The following HSF2BP variants were observed in gnomAD, a reference collection of about 807,000 sequenced individuals.
The protein encoded by HSF2BP is heat shock factor 2-binding protein.
Under a neutral mutation model 35.0 loss-of-function variants are expected in HSF2BP, and 35 were observed. That is an observed-to-expected ratio of 1.00 (90% CI 0.76 to 1.32). The LOEUF is 1.32. Ranked by LOEUF, HSF2BP falls within the 40% of genes most tolerant of loss-of-function variation. The pLI, the probability that HSF2BP is intolerant of heterozygous loss-of-function variation, is 0.00. For missense variants in HSF2BP, 326 were observed against 321.7 expected (o/e 1.01, Z -0.10); for synonymous variants, 114 against 117.4 (o/e 0.97, Z 0.18).
At chr21:43,572,540 C>T (rs2081590170) in intron 8 of HSF2BP, among the ~76,000 whole-genome samples, 1 of 152,228 alleles carries the variant, frequency 6.6e-6, no homozygotes, top group Non-Finnish European at 1.5e-5. Flanking sequence ...CAAGCGCACA[C>T]AGGGAAGGCC....
At chr21:43,586,305 G>T (rs1008201173) in intron 8 of HSF2BP, among the ~76,000 whole-genome samples, 18 of 152,102 alleles carry the variant, frequency 1.2e-4, no homozygotes, top group African/African-American at 3.9e-4. Context: ...TCTAGCAAAC[G>T]TTAAAGGAAA....
chr21:43,620,723 TCATCATCAC>T (rs1033298658), intron 6 of HSF2BP, among the ~76,000 whole-genome samples: 3 of 151,882 alleles, frequency 2.0e-5, no homozygotes, highest in African/African-American at 4.8e-5. Flanking sequence ...ATCATCATCA[TCATCATCAC>T]CATCATCACC....
chr21:43,647,121 A>T (rs1320022035), intron 3 of HSF2BP, among the ~76,000 whole-genome samples: 1 of 152,260 alleles, frequency 6.6e-6, no homozygotes, highest in African/African-American at 2.4e-5. Context: ...ATTCTCATAC[A>T]ATAAGAATAT....
intron 2 of HSF2BP, among the ~76,000 whole-genome samples, chr21:43,657,672 A>C (rs534341115): frequency 1.1e-3 from 174 of 152,372 alleles, no homozygotes; most frequent in African/African-American, 4.0e-3. Context: ...TACAGTTATA[A>C]AATCGATGGA....
the HSF2BP span, among the ~76,000 whole-genome samples, chr21:43,499,997 C>A: frequency 1.6e-4 from 13 of 82,522 alleles, 1 homozygote; most frequent in African/African-American, 5.9e-4. Context: ...ACACACACAC[C>A]CACACACCAC....
chr21:43,596,171 T>A (rs1056101599), intron 7 of HSF2BP, among the ~76,000 whole-genome samples: 2 of 152,122 alleles, frequency 1.3e-5, no homozygotes, highest in Non-Finnish European at 2.9e-5. Flanking sequence ...AATGGTAGAT[T>A]TTAAGGCACC....
chr21:43,644,162 A>G, intron 4 of HSF2BP, 127 bp downstream of exon 4: 2 of 646,138 alleles, frequency 3.1e-6, no homozygotes, highest in East Asian at 5.4e-5. Context: ...CAGAATACAT[A>G]CATTTACAAA....
intron 8 of HSF2BP, among the ~76,000 whole-genome samples, chr21:43,576,611 G>A (rs1201163295): frequency 6.6e-6 from 1 of 152,180 alleles, no homozygotes; most frequent in Admixed American, 6.5e-5. Flanking sequence ...TGAAAAGCTT[G>A]CCTTGGTAAC....
chr21:43,613,933 C>T lies in HSF2BP; in HGVS notation c.589G>A (p.Ala197Thr), dbSNP rs970928296. The T allele has an allele frequency of 1.9e-6, 3 of 1,608,660 alleles. No individual in the cohort carries two copies. In the African/African-American group the frequency reaches 4.0e-5, roughly 22 times the overall value. ...AGIVTNVAAIACGREFLVNSS... is the reference protein window; with the variant it reads ...AGIVTNVAAITCGREFLVNSS... Reference sequence around the variant, plus strand: ...TTAACCAAGAATTCACGACCACATGCTATAGCAGCAACATCTGCAACAGAA... The same window carrying T: ...TTAACCAAGAATTCACGACCACATGTTATAGCAGCAACATCTGCAACAGAA... The change falls in exon 7 of 9, where the codon GCA becomes ACA. Residue 197 changes from alanine (A) to threonine (T), a missense_variant. Transcript: ENST00000291560.
In HSF2BP at chr21:43,613,923, C is replaced by T. The variant is rs147351989; in HGVS notation, c.599G>A (p.Arg200His). ...VTNVAAIACG[R>H]EFLVNSSRVL... ...CCGGCTTGAATTAACCAAGAATTCA[C>T]GACCACATGCTATAGCAGCAACATC... is the stretch of plus-strand genomic sequence containing the variant. Residue 200 changes from arginine (R) to histidine (H), a missense_variant, in exon 7 of 9, where the codon CGT (arginine) becomes CAT (histidine). Transcript: ENST00000291560. 19 of 1,609,886 alleles carry T rather than the reference C, an allele frequency of 1.2e-5. No homozygotes were observed. The highest frequency in any genetic ancestry group is 5.4e-5 in the African/African-American group (4 of 74,666).
intron 4 of HSF2BP, among the ~76,000 whole-genome samples, chr21:43,641,729 C>G (rs1210567199): frequency 6.6e-6 from 1 of 151,878 alleles, no homozygotes; most frequent in East Asian, 1.9e-4. Flanking sequence ...GGATGGATCA[C>G]CTGAGGTCAG....
chr21:43,589,342 C>T (rs887785663), intron 8 of HSF2BP, among the ~76,000 whole-genome samples: 1 of 152,094 alleles, frequency 6.6e-6, no homozygotes, highest in Non-Finnish European at 1.5e-5. Context: ...CAGGAGTGAC[C>T]CTTGTGTCTC....
intron 2 of HSF2BP, among the ~76,000 whole-genome samples, chr21:43,657,286 G>C (rs141845950): frequency 1.3e-5 from 2 of 152,222 alleles, no homozygotes; most frequent in African/African-American, 4.8e-5. Context: ...CTTGAGCTCA[G>C]GAGTTGGAGG....
intron 4 of HSF2BP, among the ~76,000 whole-genome samples, chr21:43,633,835 A>G (rs2082516795): frequency 6.6e-6 from 1 of 152,198 alleles, no homozygotes; most frequent in Non-Finnish European, 1.5e-5. Context: ...CAAATGGCTC[A>G]CTCCATTGAA....
intron 8 of HSF2BP, among the ~76,000 whole-genome samples, chr21:43,576,979 G>A (rs990816166): frequency 6.6e-6 from 1 of 152,138 alleles, no homozygotes; most frequent in African/African-American, 2.4e-5. Context: ...GCCTGTGCTG[G>A]GTACTCTATG....
At chr21:43,635,928 C>CAAAAAAAAAAAA in intron 4 of HSF2BP, among the ~76,000 whole-genome samples, 1 of 71,114 alleles carries the variant, frequency 1.4e-5, no homozygotes, top group Non-Finnish European at 2.6e-5. Context: ...GACTCCATCT[C>CAAAAAAAAAAAA]AAAAAAAAAA....
At chr21:43,634,195 T>C (rs2082522075) in intron 4 of HSF2BP, among the ~76,000 whole-genome samples, 1 of 152,152 alleles carries the variant, frequency 6.6e-6, no homozygotes, top group East Asian at 1.9e-4. Flanking sequence ...TGAGGTGACC[T>C]GTAGCTGGGC....
intron 7 of HSF2BP, among the ~76,000 whole-genome samples, chr21:43,606,130 G>A (rs1048677596): frequency 2.0e-5 from 3 of 152,160 alleles, no homozygotes; most frequent in Non-Finnish European, 2.9e-5. Context: ...TACCAAGGAA[G>A]AGCAGAGCAG....
At chr21:43,572,931 A>G (rs1439074890) in intron 8 of HSF2BP, among the ~76,000 whole-genome samples, 1 of 152,252 alleles carries the variant, frequency 6.6e-6, no homozygotes, top group Non-Finnish European at 1.5e-5. Flanking sequence ...ATGACAAAAC[A>G]CACTAAGATT....
Sources: allele counts gnomAD v4.1 joint callset (sites outside exome capture counted in the v4.1 genomes callset), GRCh38; gene constraint gnomAD v4.1.1; transcripts MANE v1.5; gene names NCBI Gene and HGNC (gene_info 2026-07-23, HGNC 2026-07-21).